The following EPB41L3 variants were observed in gnomAD, a reference collection of about 807,000 sequenced individuals.
EPB41L3 encodes erythrocyte membrane protein band 4.1 like 3, also known as band 4.1-like protein 3.
A neutral mutation model predicts 127.1 loss-of-function variants in EPB41L3; 57 were observed. That is an observed-to-expected ratio of 0.45 (90% confidence interval 0.36 to 0.56). The LOEUF is 0.56. Ranked by LOEUF, EPB41L3 falls within the 20% of genes least tolerant of loss-of-function variation. EPB41L3 has a pLI of 0.00. For missense variants in EPB41L3, 1,273 were observed against 1,372.2 expected, an observed-to-expected ratio of 0.93 and a Z score of 1.14; for synonymous variants, 572 against 549.5, an observed-to-expected ratio of 1.04 and a Z score of -0.57.
chr18:5,410,580 T>C lies in EPB41L3; in HGVS notation c.2107A>G (p.Thr703Ala), dbSNP rs767452648. Residue 703 changes from threonine to alanine, a missense_variant, in exon 14 of 23, where the codon ACC becomes GCC. Thr to Ala is a moderately conservative substitution (Grantham distance 58, BLOSUM62 0). Coordinates refer to ENST00000341928, the MANE Select transcript of EPB41L3 (RefSeq NM_012307.5). ...ERTDTAADGE[T>A]TATESDQEED... Reference sequence around the variant, plus strand: ...AAAATACCAACCTCAGTGGCAGTGGTCTCCCCGTCGGCTGCGGTGTCCGTG... The same window carrying C: ...AAAATACCAACCTCAGTGGCAGTGGCCTCCCCGTCGGCTGCGGTGTCCGTG... 68 of 1,613,508 alleles carry C rather than the reference T, an allele frequency of 4.2e-5. No homozygotes were observed. The South Asian group carries it at 5.5e-4, about 13-fold the overall frequency.
intron 3 of EPB41L3, among the ~76,000 whole-genome samples, chr18:5,475,620 T>G (rs2087025006): frequency 6.6e-6 from 1 of 152,230 alleles, no homozygotes; most frequent in Admixed American, 6.5e-5. Context: ...AGATGAGTTT[T>G]ACTCAAATTG....
At chr18:5,393,646 TACA>T (rs2072763192) in intron 22 of EPB41L3, 168 bp from the exon 23 acceptor site, 2 of 499,170 alleles carry the variant, frequency 4.0e-6, no homozygotes, top group Non-Finnish European at 3.5e-6. Context: ...CTTAAGTAAT[TACA>T]ACAACGCCCA....
chr18:5,542,595 G>C (rs561103955), intron 1 of EPB41L3, among the ~76,000 whole-genome samples: 3 of 152,142 alleles, frequency 2.0e-5, no homozygotes, highest in Non-Finnish European at 2.9e-5. Context: ...AGGACTGCCC[G>C]GCCCTCTCAG....
intron 3 of EPB41L3, among the ~76,000 whole-genome samples, chr18:5,452,527 G>A (rs535777947): frequency 1.4e-4 from 22 of 151,958 alleles, no homozygotes; most frequent in South Asian, 1.0e-3. Flanking sequence ...CATCATTTCC[G>A]GCAAATCTTA....
chr18:5,625,399 C>G (rs936551747), intron 1 of EPB41L3, among the ~76,000 whole-genome samples: 5 of 152,026 alleles, frequency 3.3e-5, no homozygotes, highest in Non-Finnish European at 7.4e-5. Flanking sequence ...GTGTGTCTGT[C>G]AGGGAGCAAC....
At position 5,392,762 on chromosome 18, in the gene EPB41L3, T is replaced by G. The variant is rs2072618709; in HGVS notation, c.*723A>C. ...GGTTTTCTTCCCAAAATAATGACAATTTAAGCTCTCTGGATTGAACACAGA... is the reference window on the plus strand; with the variant it reads ...GGTTTTCTTCCCAAAATAATGACAAGTTAAGCTCTCTGGATTGAACACAGA... On this transcript the variant is annotated 3_prime_UTR_variant, in exon 23 of 23. Coordinates refer to ENST00000341928, the MANE Select transcript of EPB41L3 (RefSeq NM_012307.5). 6.6e-6 allele frequency: 1 copy of G among 152,348 alleles called. No homozygotes were observed. Among genetic ancestry groups the G allele is most frequent in the East Asian group, 1.9e-4 (1 of 5,194 alleles). 9.4% of individuals were successfully genotyped at this position (152,348 alleles called of 1,614,324 possible). A position where few individuals can be genotyped will look rare whatever the true frequency, so the allele number is the denominator to read the frequency against.
chr18:5,471,519 G>T (rs1424670963), intron 3 of EPB41L3, among the ~76,000 whole-genome samples: 1 of 152,188 alleles, frequency 6.6e-6, no homozygotes, highest in East Asian at 1.9e-4. Context: ...AGAAAACTTG[G>T]AATATTTTCA....
chr18:5,434,761 C>T (rs1350873287), intron 6 of EPB41L3, among the ~76,000 whole-genome samples: 3 of 152,202 alleles, frequency 2.0e-5, no homozygotes, highest in African/African-American at 2.4e-5. Flanking sequence ...CAAGTGACTA[C>T]GTTACTAGTT....
chr18:5,425,006 T>C (rs2077970017), intron 9 of EPB41L3, among the ~76,000 whole-genome samples: 1 of 152,188 alleles, frequency 6.6e-6, no homozygotes, highest in African/African-American at 2.4e-5. Context: ...TATCAGCCAT[T>C]TGATTTTTCG....
chr18:5,494,965 T>C (rs975373300), intron 1 of EPB41L3, among the ~76,000 whole-genome samples: 9 of 152,166 alleles, frequency 5.9e-5, no homozygotes, highest in Admixed American at 2.0e-4. Flanking sequence ...AAGCATTAAC[T>C]GGGCTTCTCC....
intron 3 of EPB41L3, among the ~76,000 whole-genome samples, chr18:5,460,865 C>T (rs1214241411): frequency 2.6e-5 from 4 of 152,112 alleles, no homozygotes; most frequent in South Asian, 2.1e-4. Flanking sequence ...TCTCTTGGTC[C>T]GCTTTCTACA....
rs1297200921 is a variant in EPB41L3, at chr18:5,543,700, C to G, written c.-12+213G>C. Among the ~76,000 whole-genome samples the G allele has an allele frequency of 6.8e-6, 1 of 146,548 alleles. No homozygotes were observed. The highest frequency in any genetic ancestry group is 2.5e-5 in the African/African-American group (1 of 40,640). Reference sequence around the variant, plus strand: ...GGGCGGGGGGCGCGGCGCGCAGGCTCGGCCCGGTGGGGGTCCCGGCGAGCG... The same window carrying G: ...GGGCGGGGGGCGCGGCGCGCAGGCTGGGCCCGGTGGGGGTCCCGGCGAGCG... On this transcript the variant is annotated intron_variant, in intron 1 of 22. Transcript: ENST00000341928. The surrounding 1 kb of genome is among the most constrained non-coding windows in gnomAD (Gnocchi z 5.2).
chr18:5,555,989 G>A (rs1357378710), intron 3 of EPB41L3, among the ~76,000 whole-genome samples: 2 of 152,170 alleles, frequency 1.3e-5, no homozygotes, highest in Admixed American at 1.3e-4. Flanking sequence ...CTATGCGTTT[G>A]TGTGTGTGGC....
chr18:5,539,403 C>T (rs1279187776), intron 1 of EPB41L3, among the ~76,000 whole-genome samples: 1 of 152,112 alleles, frequency 6.6e-6, no homozygotes, highest in African/African-American at 2.4e-5. Flanking sequence ...GCTTACAATT[C>T]CAAAGTATGC....
chr18:5,520,425 T>C (rs543979602), intron 1 of EPB41L3, among the ~76,000 whole-genome samples: 68 of 152,244 alleles, frequency 4.5e-4, no homozygotes, highest in Middle Eastern at 6.8e-3. Context: ...TTCACTATGT[T>C]ACACAGAGTA....
At position 5,478,453 on chromosome 18, in the gene EPB41L3, C is replaced by G. The variant is rs2087696656; in HGVS notation, c.184-15G>C. 3 of 1,612,768 alleles carry G rather than the reference C, an allele frequency of 1.9e-6. No homozygotes were observed. Among genetic ancestry groups the G allele is most frequent in the Non-Finnish European group, 2.5e-6 (3 of 1,179,098 alleles). On this transcript the variant is annotated splice_polypyrimidine_tract_variant and intron_variant, in intron 2 of 22. Coordinates refer to ENST00000341928, the MANE Select transcript of EPB41L3 (RefSeq NM_012307.5). ...TTGTCAGTGACCTGTGAAGAGCAAA[C>G]AATCAACAGTTTTCATTGCAAGGTG... is the stretch of plus-strand genomic sequence containing the variant.
chr18:5,406,704 G>A, intron 16 of EPB41L3, 73 bp downstream of exon 16: 1 of 1,352,968 alleles, frequency 7.4e-7, no homozygotes, highest in Non-Finnish European at 1.0e-6. Context: ...ACTGTCAAAT[G>A]CAATTCCACA....
At chr18:5,438,185 T>C (rs1285871759) in intron 5 of EPB41L3, 75 bp from the exon 6 acceptor site, 5 of 1,402,662 alleles carry the variant, frequency 3.6e-6, no homozygotes, top group Non-Finnish European at 3.9e-6. Context: ...AGAACTGCCT[T>C]AACTCCAAGC....
intron 1 of EPB41L3, among the ~76,000 whole-genome samples, chr18:5,518,870 G>C (rs917486364): frequency 1.3e-5 from 2 of 152,116 alleles, no homozygotes; most frequent in African/African-American, 4.8e-5. Flanking sequence ...AGATAAAAAG[G>C]AGTACGCAAA....
Sources: gnomAD v4.1 joint callset for allele counts (sites outside exome capture counted in the v4.1 genomes callset) on GRCh38, gnomAD v4.1.1 for gene constraint, Gnocchi (gnomAD v3.1) non-coding constraint, MANE v1.5 for transcripts, NCBI Gene and HGNC (gene_info 2026-07-23, HGNC 2026-07-21) for gene names.